Variants in SLC44A5 observed in about 807,000 individuals in gnomAD.
SLC44A5 encodes choline transporter-like protein 5.
In SLC44A5, 57 loss-of-function variants were observed where a neutral mutation model predicts 101.8. That is an observed-to-expected ratio of 0.56 (90% CI 0.45 to 0.70). SLC44A5 has a LOEUF of 0.70. Ranked by LOEUF, SLC44A5 falls within the 30% of genes least tolerant of loss-of-function variation. SLC44A5 has a pLI of 0.00. For missense variants in SLC44A5, 737 were observed against 853.1 expected (o/e 0.86, Z 1.70); for synonymous variants, 281 against 290.9 (o/e 0.97, Z 0.35).
the SLC44A5 span, among the ~76,000 whole-genome samples, chr1:75,692,079 C>A: frequency 1.3e-5 from 2 of 151,798 alleles, no homozygotes; most frequent in African/African-American, 2.4e-5. Context: ...GAAGTTGATC[C>A]TGCTAATGGG....
chr1:75,577,520 T>C (rs1432849236), intron 1 of SLC44A5, among the ~76,000 whole-genome samples: 1 of 152,126 alleles, frequency 6.6e-6, no homozygotes, highest in African/African-American at 2.4e-5. Flanking sequence ...CGATTTCAGA[T>C]CTTTGCTCAA....
intron 1 of SLC44A5, among the ~76,000 whole-genome samples, chr1:75,564,781 C>G (rs1672705608): frequency 1.3e-5 from 2 of 151,926 alleles, no homozygotes; most frequent in South Asian, 4.1e-4. Flanking sequence ...CACCACCAGG[C>G]CCAGCTAATT....
chr1:75,614,342 C>CTA (rs1315970587), upstream of SLC44A5, among the ~76,000 whole-genome samples: 2 of 152,098 alleles, frequency 1.3e-5, no homozygotes, highest in Non-Finnish European at 2.9e-5. Flanking sequence ...TTTACAGGAG[C>CTA]TATAATATTT....
Position 75,219,684 on chromosome 1 carries a change from T to G in SLC44A5, c.1178+116A>C, listed in dbSNP as rs1388700601. 1.1e-5 allele frequency: 7 copies of G among 664,056 alleles called. No homozygotes were observed. The Admixed American group carries it at 2.2e-4, about 21-fold the overall frequency. 41.1% of individuals were successfully genotyped at this position (664,056 alleles called of 1,614,324 possible). On this transcript the variant is annotated intron_variant, in intron 15 of 23. Coordinates refer to ENST00000370859, the MANE Select transcript of SLC44A5 (RefSeq NM_001130058.2). ...TTTTTAGAGCTTGGGAAAAAAATAG[T>G]TATTTCTTAGTACATTCCTCATCTT...
chr1:75,691,956 TG>T, the SLC44A5 span, among the ~76,000 whole-genome samples: 1,023 of 151,874 alleles, frequency 6.7e-3, 16 homozygotes, highest in Admixed American at 0.037. Flanking sequence ...AAATTTGGAG[TG>T]GGGGGACACA....
intron 3 of SLC44A5, among the ~76,000 whole-genome samples, chr1:75,365,895 T>A (rs1030387321): frequency 6.6e-6 from 1 of 152,206 alleles, no homozygotes; most frequent in Non-Finnish European, 1.5e-5. Flanking sequence ...TTCAATTACA[T>A]ATAAATCTCT....
chr1:75,453,544 A>G (rs1178077034), intron 2 of SLC44A5, among the ~76,000 whole-genome samples: 1 of 152,160 alleles, frequency 6.6e-6, no homozygotes, highest in African/African-American at 2.4e-5. Flanking sequence ...TCAGAGAATA[A>G]CTAATTGAAA....
At chr1:75,227,223 G>C (rs1647219923) in intron 13 of SLC44A5, among the ~76,000 whole-genome samples, 1 of 152,002 alleles carries the variant, frequency 6.6e-6, no homozygotes, top group Admixed American at 6.6e-5. Context: ...AAATTAGCCA[G>C]GCATGGTGGC....
At chr1:75,564,395 A>G (rs1672675200) in intron 1 of SLC44A5, among the ~76,000 whole-genome samples, 1 of 152,132 alleles carries the variant, frequency 6.6e-6, no homozygotes, top group Admixed American at 6.6e-5. Flanking sequence ...GATTTTGAGA[A>G]TGAATCACCT....
chr1:75,701,664 A>G, the SLC44A5 span, among the ~76,000 whole-genome samples: 1 of 152,216 alleles, frequency 6.6e-6, no homozygotes. Flanking sequence ...CAGGGCAATC[A>G]GGCAGGAGAA....
intron 6 of SLC44A5, among the ~76,000 whole-genome samples, chr1:75,257,948 T>A (rs988581254): frequency 6.6e-6 from 1 of 151,886 alleles, no homozygotes; most frequent in African/African-American, 2.4e-5. Context: ...GCATAAGGGG[T>A]CAGGGAACTC....
At chr1:75,420,273 G>A (rs1285933646) in intron 2 of SLC44A5, among the ~76,000 whole-genome samples, 3 of 152,094 alleles carry the variant, frequency 2.0e-5, no homozygotes, top group Non-Finnish European at 4.4e-5. Context: ...TTTGTTAACA[G>A]CAGCCCAAGT....
chr1:75,671,373 A>G, the SLC44A5 span, among the ~76,000 whole-genome samples: 1 of 152,192 alleles, frequency 6.6e-6, no homozygotes, highest in Non-Finnish European at 1.5e-5. Context: ...AGGCCCTCAG[A>G]TGTCAAAACA....
chr1:75,712,000 G>A, the SLC44A5 span, among the ~76,000 whole-genome samples: 1 of 152,242 alleles, frequency 6.6e-6, no homozygotes, highest in South Asian at 2.1e-4. Flanking sequence ...CTATTCTTTG[G>A]CTCTCAAAGG....
the SLC44A5 span, among the ~76,000 whole-genome samples, chr1:75,723,363 CA>C: frequency 1.3e-5 from 2 of 152,032 alleles, no homozygotes; most frequent in Admixed American, 6.5e-5. Context: ...AAAGCAGCCC[CA>C]AATCCTTTTC....
chr1:75,548,853 G>A (rs1386909504), intron 1 of SLC44A5, among the ~76,000 whole-genome samples: 1 of 152,138 alleles, frequency 6.6e-6, no homozygotes, highest in African/African-American at 2.4e-5. Flanking sequence ...TCATGTCAAA[G>A]TAAATAAGGA....
At chr1:75,482,153 A>G (rs925501873) in intron 2 of SLC44A5, among the ~76,000 whole-genome samples, 2 of 152,076 alleles carry the variant, frequency 1.3e-5, no homozygotes, top group Non-Finnish European at 2.9e-5. Flanking sequence ...CATCATTCTC[A>G]GTAAACTATC....
rs1019162585 is a variant in SLC44A5, at chr1:75,202,723, A to T, written c.*1004T>A. 5.3e-5 allele frequency: 8 copies of T among 152,184 alleles called. No individual in the cohort carries two copies. Among genetic ancestry groups the T allele is most frequent in the Non-Finnish European group, 1.2e-4 (8 of 68,032 alleles). The allele number at this position is 152,184 out of a possible 1,614,324, so 9.4% of individuals were successfully genotyped here. A position where few individuals can be genotyped will look rare whatever the true frequency, so the allele number is the denominator to read the frequency against. ...GACATCTGTGAGCACCCTTTCGAGG[A>T]GTAAAGTTTCCCTTTGCAATTCCTA... is the stretch of plus-strand genomic sequence containing the variant. On this transcript the variant is annotated 3_prime_UTR_variant, in exon 24 of 24. Transcript: ENST00000370859.
intron 2 of SLC44A5, among the ~76,000 whole-genome samples, chr1:75,509,530 G>T (rs1034121722): frequency 1.3e-5 from 2 of 152,158 alleles, no homozygotes; most frequent in Admixed American, 1.3e-4. Flanking sequence ...GATACTGGAA[G>T]AAGACTCACA....
Sources: gnomAD v4.1 joint callset for allele counts (sites outside exome capture counted in the v4.1 genomes callset) on GRCh38, gnomAD v4.1.1 for gene constraint, MANE v1.5 for transcripts, NCBI Gene and HGNC (gene_info 2026-07-23, HGNC 2026-07-21) for gene names.